Variants in RGS12 observed in about 807,000 individuals in gnomAD.
RGS12 encodes regulator of G-protein signaling 12.
A neutral mutation model predicts 120.1 loss-of-function variants in RGS12; 66 were observed. The ratio of observed to expected loss-of-function variants is 0.55; its 90% CI spans 0.45 to 0.67. RGS12 has a LOEUF of 0.67. RGS12 is among the 30% of genes least tolerant of loss of function. The probability of loss-of-function intolerance (pLI) is 0.00; values close to 1 mark genes in which losing one functional copy is unlikely to be tolerated. For missense variants in RGS12, 1,859 were observed against 1,957.7 expected, an observed-to-expected ratio of 0.95 and a Z score of 0.95; for synonymous variants, 827 against 804.7, an observed-to-expected ratio of 1.03 and a Z score of -0.47.
At chr4:3,346,003 C>T (rs1449491412) in intron 3 of RGS12, among the ~76,000 whole-genome samples, 3 of 152,068 alleles carry the variant, frequency 2.0e-5, no homozygotes, top group East Asian at 1.9e-4. Context: ...TCTGTCTTCC[C>T]GCCTCTGCTG....
chr4:3,375,069 A>G lies in RGS12; in HGVS notation c.1999-11347A>G, dbSNP rs141714007. ...ATAACCCCGTAACCAACCCATGGGT[A>G]TGCCAGACACCGCCAAGGGGGCTGC... On this transcript the variant is annotated intron_variant, in intron 3 of 17. Coordinates refer to ENST00000336727, the MANE Select transcript of RGS12 (RefSeq NM_001394154.1). Among the ~76,000 whole-genome samples the G allele has an allele frequency of 9.2e-5, 14 of 152,286 alleles. No homozygotes were observed. The East Asian group carries it at 2.7e-3, about 29-fold the overall frequency.
intron 4 of RGS12, among the ~76,000 whole-genome samples, chr4:3,406,649 G>A (rs913569778): frequency 8.5e-5 from 13 of 152,222 alleles, no homozygotes; most frequent in Non-Finnish European, 1.9e-4. Context: ...CCTCTCCAGG[G>A]AACTTTGCTG....
chr4:3,388,318 G>A (rs1219102632), intron 4 of RGS12, among the ~76,000 whole-genome samples: 1 of 152,206 alleles, frequency 6.6e-6, no homozygotes, highest in Non-Finnish European at 1.5e-5. Context: ...GGGCGGGCTG[G>A]ATGTTTATTT....
chr4:3,324,017 C>G (rs980573953), intron 2 of RGS12: 1 of 152,282 alleles, frequency 6.6e-6, no homozygotes, highest in African/African-American at 2.4e-5. Context: ...TTTGCCTTTT[C>G]CAGCTTGGCA....
intron 4 of RGS12, among the ~76,000 whole-genome samples, chr4:3,393,952 C>G (rs73795547): frequency 0.075 from 11,448 of 152,168 alleles, 1,104 homozygotes; most frequent in African/African-American, 0.23. Context: ...GAGGCCAGCA[C>G]CATGCTGGGT....
intron 1 of RGS12, among the ~76,000 whole-genome samples, chr4:3,293,303 CGCGGG>C (rs532215407): frequency 0.17 from 24,646 of 143,828 alleles, 2,658 homozygotes; most frequent in African/African-American, 0.31. Flanking sequence ...CCGGGCCCGG[CGCGGG>C]GCGGGGCGGG....
At chr4:3,425,390 CGGGT>C in intron 13 of RGS12, 70 bp from the exon 14 acceptor site, 1 of 1,308,090 alleles carries the variant, frequency 7.6e-7, no homozygotes, top group Non-Finnish European at 1.1e-6. Flanking sequence ...GTCATGCAGT[CGGGT>C]GGGATCACAC....
chr4:3,342,357 G>C, intron 2 of RGS12: 2 of 1,183,188 alleles, frequency 1.7e-6, no homozygotes, highest in South Asian at 1.6e-5. Context: ...GATGTTTGTC[G>C]AATTGAATTA....
intron 1 of RGS12, among the ~76,000 whole-genome samples, chr4:3,300,639 G>C (rs567050394): frequency 7.2e-5 from 11 of 152,268 alleles, no homozygotes; most frequent in African/African-American, 1.9e-4. Context: ...AAGGCTTTAG[G>C]GGGAGACCCT....
At chr4:3,423,056 C>T in intron 12 of RGS12, 78 bp downstream of exon 12, 2 of 1,207,874 alleles carry the variant, frequency 1.7e-6, no homozygotes, top group Admixed American at 3.6e-5. Flanking sequence ...GGTCTCTGCG[C>T]TTAGCGGGCG....
intron 4 of RGS12, among the ~76,000 whole-genome samples, chr4:3,412,596 C>CCA (rs1315931082): frequency 1.3e-5 from 2 of 152,246 alleles, no homozygotes; most frequent in African/African-American, 4.8e-5. Flanking sequence ...GCGCACCGTG[C>CCA]CACAGGAGGC....
chr4:3,418,474 T>C (rs1722647995), intron 9 of RGS12: 1 of 152,296 alleles, frequency 6.6e-6, no homozygotes, highest in Non-Finnish European at 1.5e-5. Flanking sequence ...AATCAGGCAG[T>C]GAGGTGATTG....
rs190367084 is a variant in RGS12 at position 3,358,482 on chromosome 4, T to A, written c.1998+15429T>A. Among the ~76,000 whole-genome samples the A allele has an allele frequency of 2.0e-4, 30 of 152,296 alleles. No individual in the cohort carries two copies. In the South Asian group the frequency reaches 3.3e-3, roughly 17 times the overall value. Reference sequence around the variant, plus strand: ...GTTGTTAATTTTTCACTAATGCCTTTTATATGTTGAGGTAGTTTCCTTCTA... The same window carrying A: ...GTTGTTAATTTTTCACTAATGCCTTATATATGTTGAGGTAGTTTCCTTCTA... On this transcript the variant is annotated intron_variant, in intron 3 of 17. Coordinates refer to ENST00000336727, the MANE Select transcript of RGS12 (RefSeq NM_001394154.1).
At chr4:3,342,398 A>G (rs1336061062) in intron 2 of RGS12, 1 of 1,244,036 alleles carries the variant, frequency 8.0e-7, no homozygotes, top group Non-Finnish European at 1.0e-6. Flanking sequence ...GAGGAGAGAC[A>G]GGATGTTTTA....
chr4:3,414,031 G>T, intron 4 of RGS12, 41 bp from the exon 5 acceptor site: 1 of 1,494,920 alleles, frequency 6.7e-7, no homozygotes, highest in Non-Finnish European at 8.9e-7. Flanking sequence ...GGGCCGGGGC[G>T]GAGGGCAGGG....
intron 3 of RGS12, among the ~76,000 whole-genome samples, chr4:3,352,348 GC>G (rs2108806496): frequency 6.6e-6 from 1 of 152,288 alleles, no homozygotes; most frequent in East Asian, 1.9e-4. Context: ...AGTCATGGAA[GC>G]AGAGAGCTCA....
rs147115079 is a variant in RGS12 at position 3,435,881 on chromosome 4, C to T, written c.4115-3574C>T. ...CTGGCCACCTGTGCCCATCTCAGCCCGCACTGCTGGAGCTCCGGCTTGAAG... is the reference window on the plus strand; with the variant it reads ...CTGGCCACCTGTGCCCATCTCAGCCTGCACTGCTGGAGCTCCGGCTTGAAG... On this transcript the variant is annotated intron_variant, in intron 17 of 17. Coordinates refer to ENST00000336727, the MANE Select transcript of RGS12 (RefSeq NM_001394154.1). Among the ~76,000 whole-genome samples, 196 of 152,334 alleles carry T rather than the reference C, an allele frequency of 1.3e-3. 1 individual carries two copies. The highest frequency in any genetic ancestry group is 5.4e-4 in the Non-Finnish European group (37 of 68,032).
intron 16 of RGS12, 129 bp from the exon 17 acceptor site, chr4:3,430,278 C>T (rs1724126316): frequency 2.5e-6 from 2 of 799,014 alleles, no homozygotes; most frequent in African/African-American, 3.4e-5. Flanking sequence ...CGGAAAAGGG[C>T]TCTTGTTGAC....
chr4:3,425,502 A>G lies in RGS12; in HGVS notation c.3273A>G (p.Ile1091Met), dbSNP rs1723513688. 3.7e-6 allele frequency: 6 copies of G among 1,611,704 alleles called. No individual in the cohort carries two copies. In the East Asian group the frequency reaches 8.9e-5, roughly 24 times the overall value. Residue 1091 changes from isoleucine to methionine, a missense_variant, in exon 14 of 18, where the codon ATA becomes ATG. Ile to Met is a conservative substitution (Grantham distance 10, BLOSUM62 1). Around this residue, in one of 3 missense-constraint regions of RGS12, gnomAD observed 517 missense variants for 488.5 expected, o/e 1.06. Coordinates refer to ENST00000336727, the MANE Select transcript of RGS12 (RefSeq NM_001394154.1). Reference protein sequence around the residue: ...EKEPLDLGAPISSLDGQRVVL... With the variant: ...EKEPLDLGAPMSSLDGQRVVL... ...AGCCCCTGGACCTTGGCGCCCCTAT[A>G]TCGAGTCTGGACGGACAGCGGGTTG... is the stretch of plus-strand genomic sequence containing the variant.
Sources: gnomAD v4.1 joint callset for allele counts (sites outside exome capture counted in the v4.1 genomes callset) on GRCh38, gnomAD v4.1.1 for gene constraint, gnomAD v4.1.1 regional missense constraint, MANE v1.5 for transcripts, NCBI Gene and HGNC (gene_info 2026-07-23, HGNC 2026-07-21) for gene names.